BBX: variants seen among roughly 807,000 people sequenced by gnomAD.
BBX encodes the protein BBX high mobility group box domain containing, also known as HMG box transcription factor BBX.
Under a neutral mutation model 100.2 loss-of-function variants are expected in BBX, and 30 were observed. The observed-to-expected ratio is 0.30, with a 90% CI of 0.22 to 0.41. The LOEUF is 0.41. Among genes scored for constraint, BBX ranks in the 10% least tolerant of loss-of-function variants. BBX has a pLI of 1.00. For synonymous variants in BBX, 376 were observed against 388.1 expected (o/e 0.97, Z 0.37); for missense variants, 1,023 against 1,129.8 (o/e 0.91, Z 1.35).
intron 3 of BBX, among the ~76,000 whole-genome samples, chr3:107,665,373 G>A (rs2058681787): frequency 6.6e-6 from 1 of 152,074 alleles, no homozygotes; most frequent in Non-Finnish European, 1.5e-5. Context: ...AAATTAGAGT[G>A]GTAGACCAGT....
chr3:107,634,235 T>TACAC (rs2056724493), intron 2 of BBX, among the ~76,000 whole-genome samples: 2 of 152,190 alleles, frequency 1.3e-5, no homozygotes, highest in African/African-American at 4.8e-5. Flanking sequence ...ACCATTGGAT[T>TACAC]TTTAACTTAG....
chr3:107,566,316 A>G (rs1034389465), intron 2 of BBX, among the ~76,000 whole-genome samples: 6 of 152,042 alleles, frequency 3.9e-5, no homozygotes, highest in African/African-American at 9.7e-5. Context: ...ATTAAACTCA[A>G]CCTGATCTTA....
chr3:107,707,893 G>A (rs1576439641), intron 3 of BBX, among the ~76,000 whole-genome samples: 1 of 151,916 alleles, frequency 6.6e-6, no homozygotes, highest in Admixed American at 6.6e-5. Flanking sequence ...TCAAAATTTT[G>A]GGGGCTAAAG....
intron 15 of BBX, 25 bp from the exon 16 acceptor site, chr3:107,798,498 C>A: frequency 6.2e-7 from 1 of 1,605,008 alleles, no homozygotes; most frequent in African/African-American, 1.3e-5. Context: ...TTGTGCATAA[C>A]TATGCATGGT....
At chr3:107,788,305 T>C (rs530520542) in intron 13 of BBX, among the ~76,000 whole-genome samples, 1 of 152,172 alleles carries the variant, frequency 6.6e-6, no homozygotes, top group Admixed American at 6.5e-5. Flanking sequence ...GAAGGTGGTA[T>C]CCTAGAAGCC....
chr3:107,755,486 T>C lies in BBX; in HGVS notation c.826-112T>C, dbSNP rs1296330765. On this transcript the variant is annotated intron_variant, in intron 9 of 17. Coordinates refer to ENST00000325805, the MANE Select transcript of BBX (RefSeq NM_001142568.3). ...GTGACATGTTTTGTTACTTGGTACA[T>C]GGGAGCAATGATACTCTCGTAACTA... The C allele has an allele frequency of 3.5e-6, 3 of 862,632 alleles. No homozygotes were observed. The Admixed American group carries it at 5.8e-5, about 17-fold the overall frequency. 53.4% of individuals were successfully genotyped at this position (862,632 alleles called of 1,614,324 possible). A position where few individuals can be genotyped will look rare whatever the true frequency, so the allele number is the denominator to read the frequency against.
At chr3:107,595,710 CTTACTCA>C (rs1165724980) in intron 2 of BBX, among the ~76,000 whole-genome samples, 2 of 152,092 alleles carry the variant, frequency 1.3e-5, no homozygotes, top group Admixed American at 6.6e-5. Flanking sequence ...TGTTCTATAC[CTTACTCA>C]GCAGTCACTA....
At chr3:107,785,059 T>A (rs2068272090) in intron 13 of BBX, among the ~76,000 whole-genome samples, 1 of 151,646 alleles carries the variant, frequency 6.6e-6, no homozygotes, top group Non-Finnish European at 1.5e-5. Context: ...AGATAACATG[T>A]ATGAAATGAA....
intron 2 of BBX, among the ~76,000 whole-genome samples, chr3:107,620,983 C>T (rs536127702): frequency 4.9e-4 from 75 of 152,024 alleles, no homozygotes; most frequent in Non-Finnish European, 9.9e-4. Flanking sequence ...ACTACTTTTG[C>T]TTCTCTACCA....
Position 107,533,636 on chromosome 3 carries a change from C to T in BBX, c.-84+7238C>T, listed in dbSNP as rs369302683. Among the ~76,000 whole-genome samples the T allele has an allele frequency of 6.2e-4, 94 of 152,244 alleles. No individual in the cohort carries two copies. In the East Asian group the frequency reaches 0.015, roughly 25 times the overall value. Reference sequence around the variant, plus strand: ...CTGAACCTCTTATATTCCATTTTGACGTGATGATTCCTTTGTTGTTGTTTT... The same window carrying T: ...CTGAACCTCTTATATTCCATTTTGATGTGATGATTCCTTTGTTGTTGTTTT... On this transcript the variant is annotated intron_variant, in intron 2 of 17. Coordinates refer to ENST00000325805, the MANE Select transcript of BBX (RefSeq NM_001142568.3).
At chr3:107,601,005 G>C (rs7624109) in intron 2 of BBX, among the ~76,000 whole-genome samples, 8,577 of 152,188 alleles carry the variant, frequency 0.056, 782 homozygotes, top group African/African-American at 0.19. Flanking sequence ...CTGTTTCTGT[G>C]TTACAATTTG....
intron 3 of BBX, among the ~76,000 whole-genome samples, chr3:107,707,744 G>A (rs779089527): frequency 2.0e-5 from 3 of 152,116 alleles, no homozygotes; most frequent in Non-Finnish European, 4.4e-5. Context: ...CCAGAAAGAA[G>A]CCACATATAA....
Position 107,527,894 on chromosome 3 carries a change from C to A in BBX, c.-84+1496C>A, listed in dbSNP as rs776669270. Among the ~76,000 whole-genome samples, 107 of 152,296 alleles carry A rather than the reference C, an allele frequency of 7.0e-4. 1 individual carries two copies. Among genetic ancestry groups the A allele is most frequent in the South Asian group, 1.2e-3 (6 of 4,818 alleles). ...CATTCTTGATTACTAAAGAACACCACATTTATACTGTTAGGCACATTATTT... is the reference window on the plus strand; with the variant it reads ...CATTCTTGATTACTAAAGAACACCAAATTTATACTGTTAGGCACATTATTT... On this transcript the variant is annotated intron_variant, in intron 2 of 17. Coordinates refer to ENST00000325805, the MANE Select transcript of BBX (RefSeq NM_001142568.3).
rs921055618 is a variant in BBX at position 107,623,520 on chromosome 3, G to T, written c.-83-22316G>T. ...TTTCATGGGACAGACAAAGTGAAGTGTGCTTATTCCTTCTTACTCAGAACC... is the reference window on the plus strand; with the variant it reads ...TTTCATGGGACAGACAAAGTGAAGTTTGCTTATTCCTTCTTACTCAGAACC... On this transcript the variant is annotated intron_variant, in intron 2 of 17. Transcript: ENST00000325805. 2.0e-5 allele frequency among the ~76,000 whole-genome samples: 3 copies of T among 152,178 alleles called. No homozygotes were observed. In the East Asian group the frequency reaches 5.8e-4, roughly 29 times the overall value.
At chr3:107,564,795 T>C (rs1390030826) in intron 2 of BBX, among the ~76,000 whole-genome samples, 1 of 152,258 alleles carries the variant, frequency 6.6e-6, no homozygotes, top group East Asian at 1.9e-4. Flanking sequence ...GAGCAAATTC[T>C]CTTATTTCTT....
At chr3:107,726,296 C>T (rs542170046) in intron 5 of BBX, among the ~76,000 whole-genome samples, 8 of 152,040 alleles carry the variant, frequency 5.3e-5, no homozygotes, top group Non-Finnish European at 1.2e-4. Flanking sequence ...TACCCTGAGG[C>T]TCTTCCCACC....
At chr3:107,794,365 G>A (rs187340729) in intron 15 of BBX, among the ~76,000 whole-genome samples, 34 of 151,466 alleles carry the variant, frequency 2.2e-4, no homozygotes, top group Admixed American at 1.1e-3. Context: ...TACATTTTCC[G>A]TTTTTCATAT....
intron 13 of BBX, among the ~76,000 whole-genome samples, chr3:107,779,124 G>C (rs1310845938): frequency 2.0e-5 from 3 of 150,518 alleles, no homozygotes; most frequent in Non-Finnish European, 4.4e-5. Context: ...CTATATCAGG[G>C]AAGCTTTTTT....
At chr3:107,545,754 A>G (rs2107390055) in intron 2 of BBX, among the ~76,000 whole-genome samples, 1 of 152,274 alleles carries the variant, frequency 6.6e-6, no homozygotes, top group African/African-American at 2.4e-5. Flanking sequence ...TGTCTTGGGT[A>G]GTTTGTGGTG....
Sources: gnomAD v4.1 joint callset for allele counts (sites outside exome capture counted in the v4.1 genomes callset) on GRCh38, gnomAD v4.1.1 for gene constraint, MANE v1.5 for transcripts, NCBI Gene and HGNC (gene_info 2026-07-23, HGNC 2026-07-21) for gene names.